The following COL5A1 variants were observed in gnomAD, a reference collection of about 807,000 sequenced individuals.
COL5A1 encodes the protein collagen alpha-1(V) chain.
In COL5A1, 16 loss-of-function variants were observed where a neutral mutation model predicts 263.7. The ratio of observed to expected loss-of-function variants is 0.06; its 90% CI spans 0.04 to 0.09. The LOEUF (loss-of-function observed/expected upper bound fraction) is 0.09, where lower values mean the gene tolerates loss of function less well. Among genes scored for constraint, COL5A1 ranks in the 10% least tolerant of loss-of-function variants. The pLI is 1.00. For missense variants in COL5A1, 2,036 were observed against 2,540.5 expected (o/e 0.80, Z 4.27); for synonymous variants, 1,012 against 1,004.5 (o/e 1.01, Z -0.14).
chr9:134,751,664 CGGGT>C (rs1218039906), intron 13 of COL5A1, among the ~76,000 whole-genome samples: 1 of 1,164 alleles, frequency 8.6e-4, no homozygotes, highest in Non-Finnish European at 1.3e-3. Context: ...CCCCGTGGGG[CGGGT>C]GGGTGGGTGG....
chr9:134,719,287 CTG>C (rs1412092430), intron 4 of COL5A1, among the ~76,000 whole-genome samples: 1 of 152,224 alleles, frequency 6.6e-6, no homozygotes, highest in African/African-American at 2.4e-5. Context: ...TGCATGTATA[CTG>C]TGCACACGAC....
chr9:134,687,246 GTCTC>G (rs1181678636), intron 1 of COL5A1, among the ~76,000 whole-genome samples: 1 of 152,186 alleles, frequency 6.6e-6, no homozygotes, highest in African/African-American at 2.4e-5. Flanking sequence ...AGCTCCATGA[GTCTC>G]TCTGATTGGC....
intron 1 of COL5A1, among the ~76,000 whole-genome samples, chr9:134,660,936 C>T (rs1832183346): frequency 6.6e-6 from 1 of 152,090 alleles, no homozygotes; most frequent in African/African-American, 2.4e-5. Flanking sequence ...CTGACCAGCC[C>T]AGAGAATTGC....
intron 4 of COL5A1, among the ~76,000 whole-genome samples, chr9:134,726,986 T>G (rs2132631841): frequency 6.6e-6 from 1 of 150,806 alleles, no homozygotes; most frequent in African/African-American, 2.4e-5. Flanking sequence ...GATGGGTGAA[T>G]GGATGAACGA....
At chr9:134,645,940 C>T (rs184293115) in intron 1 of COL5A1, among the ~76,000 whole-genome samples, 385 of 152,272 alleles carry the variant, frequency 2.5e-3, no homozygotes, top group African/African-American at 8.3e-3. Flanking sequence ...TCTCCTTCCC[C>T]CTCCATCCTT....
chr9:134,713,570 G>C (rs959234359), intron 4 of COL5A1, among the ~76,000 whole-genome samples: 17 of 152,234 alleles, frequency 1.1e-4, no homozygotes, highest in African/African-American at 4.1e-4. Flanking sequence ...ATTCAATCAG[G>C]ATAAACGTGA....
chr9:134,781,657 G>A (rs150152870), intron 28 of COL5A1, among the ~76,000 whole-genome samples: 10 of 152,346 alleles, frequency 6.6e-5, no homozygotes, highest in South Asian at 2.1e-4. Flanking sequence ...CGAGGGCCAC[G>A]CAGGCAGCCC....
At chr9:134,776,860 G>A (rs1387120059) in intron 27 of COL5A1, among the ~76,000 whole-genome samples, 1 of 152,198 alleles carries the variant, frequency 6.6e-6, no homozygotes, top group Non-Finnish European at 1.5e-5. Flanking sequence ...CTAGTTCCTT[G>A]ATGGTCCCGT....
At position 134,760,372 on chromosome 9, in the gene COL5A1, C is replaced by CACACACCACACATGCA. The variant is rs201510102; in HGVS notation, c.1936-1553_1936-1552insACACACCACACATGCA. 9.2e-4 allele frequency among the ~76,000 whole-genome samples: 75 copies of CACACACCACACATGCA among 81,510 alleles called. 6 individuals are homozygous for CACACACCACACATGCA. Among genetic ancestry groups the CACACACCACACATGCA allele is most frequent in the African/African-American group, 5.0e-3 (73 of 14,494 alleles). The allele number at this position is 81,510 out of a possible 152,430, so 53.5% of individuals were successfully genotyped here. On this transcript the variant is annotated intron_variant, in intron 18 of 65. Coordinates refer to ENST00000371817, the MANE Select transcript of COL5A1 (RefSeq NM_000093.5). ...ACACACCCCCACACATACACACACACCACACATGCATACACACCCCCACAC... is the reference window on the plus strand; with the variant it reads ...ACACACCCCCACACATACACACACACACACACCACACATGCACACACATGCATACACACCCCCACAC...
Position 134,754,369 on chromosome 9 carries a change from G to A in COL5A1, c.1827+43G>A, listed in dbSNP as rs369752171. 185 of 1,612,244 alleles carry A rather than the reference G, an allele frequency of 1.1e-4. No individual in the cohort carries two copies. The African/African-American group carries it at 2.0e-3, about 18-fold the overall frequency. ...GTGTGGTTTAGTGACAGCAGCTTGGGCGCTGGAGGAGCCCAAATCTGGGGT... is the reference window on the plus strand; with the variant it reads ...GTGTGGTTTAGTGACAGCAGCTTGGACGCTGGAGGAGCCCAAATCTGGGGT... On this transcript the variant is annotated intron_variant, in intron 16 of 65. Coordinates refer to ENST00000371817, the MANE Select transcript of COL5A1 (RefSeq NM_000093.5). The surrounding 1 kb of genome is among the most constrained non-coding windows in gnomAD (Gnocchi z 4.3).
At position 134,827,302 on chromosome 9, in the gene COL5A1, T is replaced by C. The variant is rs559209986; in HGVS notation, c.5067+1398T>C. Among the ~76,000 whole-genome samples the C allele has an allele frequency of 9.8e-4, 150 of 152,334 alleles. 2 individuals carry two copies. The highest frequency in any genetic ancestry group is 3.4e-3 in the African/African-American group (140 of 41,586). On this transcript the variant is annotated intron_variant, in intron 63 of 65. Coordinates refer to ENST00000371817, the MANE Select transcript of COL5A1 (RefSeq NM_000093.5). ...TAGCCACTTTGGGTTAGGAGCCCAC[T>C]GGCTGCAGTGGAGGCTGCACATGGC...
intron 11 of COL5A1, among the ~76,000 whole-genome samples, chr9:134,740,260 T>G (rs1166901285): frequency 6.6e-6 from 1 of 151,708 alleles, no homozygotes; most frequent in African/African-American, 2.4e-5. Flanking sequence ...CAACAGCGAG[T>G]GGCCGCTGCT....
In COL5A1 at chr9:134,701,154, C is replaced by A. The variant is rs1159889589; in HGVS notation, c.492-17C>A. On this transcript the variant is annotated splice_polypyrimidine_tract_variant and intron_variant, in intron 3 of 65. Coordinates refer to ENST00000371817, the MANE Select transcript of COL5A1 (RefSeq NM_000093.5). The stretch of plus-strand genomic sequence containing the variant: ...TCTGTGATCCAAGCCCTGTCTTCAC[C>A]ATCTGTTTCTTTGCAGGTGGCACAG... The A allele has an allele frequency of 6.2e-7, 1 of 1,613,560 alleles. No homozygotes were observed. The highest frequency in any genetic ancestry group is 1.1e-5 in the South Asian group (1 of 91,014).
At chr9:134,704,872 T>G (rs1833789104) in intron 4 of COL5A1, among the ~76,000 whole-genome samples, 1 of 152,124 alleles carries the variant, frequency 6.6e-6, no homozygotes, top group African/African-American at 2.4e-5. Flanking sequence ...TTTGTCTCAT[T>G]GCAAGTGGAA....
Position 134,686,453 on chromosome 9 carries a change from T to C in COL5A1, c.110-4459T>C, listed in dbSNP as rs550814055. Among the ~76,000 whole-genome samples the C allele has an allele frequency of 6.6e-6, 1 of 152,236 alleles. No individual in the cohort carries two copies. Among genetic ancestry groups the C allele is most frequent in the African/African-American group, 2.4e-5 (1 of 41,540 alleles). On this transcript the variant is annotated intron_variant, in intron 1 of 65. Transcript: ENST00000371817. The surrounding 1 kb of genome is among the most constrained non-coding windows in gnomAD (Gnocchi z 4.6). ...TTTATGTAGAGACGGGGTTTTACCATGTTGCCCAGGTTGATCTCCAACTCC... is the reference window on the plus strand; with the variant it reads ...TTTATGTAGAGACGGGGTTTTACCACGTTGCCCAGGTTGATCTCCAACTCC...
At chr9:134,764,933 A>C (rs1836601812) in intron 20 of COL5A1, among the ~76,000 whole-genome samples, 1 of 152,162 alleles carries the variant, frequency 6.6e-6, no homozygotes, top group South Asian at 2.1e-4. Flanking sequence ...CAGAATCTGA[A>C]AAGGTTCTGT....
At chr9:134,738,659 C>G (rs867337878) in intron 10 of COL5A1, 87 bp from the exon 11 acceptor site, 15 of 1,476,290 alleles carry the variant, frequency 1.0e-5, no homozygotes, top group Middle Eastern at 1.7e-4. Flanking sequence ...ATCCCACCCC[C>G]ACCTCTGCCT....
chr9:134,642,127 C>G lies in COL5A1; in HGVS notation c.-61C>G, dbSNP rs1331840849. 1 of 1,230,736 alleles carries G rather than the reference C, an allele frequency of 8.1e-7. No individual in the cohort carries two copies. The highest frequency in any genetic ancestry group is 1.0e-6 in the Non-Finnish European group (1 of 987,956). The allele number at this position is 1,230,736 out of a possible 1,614,324, so 76.2% of individuals were successfully genotyped here. On this transcript the variant is annotated 5_prime_UTR_variant, in exon 1 of 66. Transcript: ENST00000371817. This position sits in a 1 kb window ranked among gnomAD's most constrained non-coding sequence, Gnocchi z 4.5. ...GCGCTGCCCGGGCCGTGACCCGCGC[C>G]CCTGTGCGTCCCCGCGCGCCTCCGA...
chr9:134,659,827 G>C (rs1832147105), intron 1 of COL5A1, among the ~76,000 whole-genome samples: 1 of 152,248 alleles, frequency 6.6e-6, no homozygotes, highest in Non-Finnish European at 1.5e-5. Flanking sequence ...AGCTGTGTGT[G>C]CACTGTTTGC....
Sources: gnomAD v4.1 joint callset for allele counts (sites outside exome capture counted in the v4.1 genomes callset) on GRCh38, gnomAD v4.1.1 for gene constraint, Gnocchi (gnomAD v3.1) non-coding constraint, MANE v1.5 for transcripts, NCBI Gene and HGNC (gene_info 2026-07-23, HGNC 2026-07-21) for gene names.